CDV3: variants seen among roughly 807,000 people sequenced by gnomAD.
CDV3 encodes the protein protein CDV3 homolog.
CDV3 carries 14 observed loss-of-function variants against 24.5 expected under a neutral mutation model. The ratio of observed to expected loss-of-function variants is 0.57; its 90% CI spans 0.38 to 0.89. The LOEUF is 0.89. CDV3 is among the 40% of genes least tolerant of loss of function. The probability of loss-of-function intolerance (pLI) is 0.00; values close to 1 mark genes in which losing one functional copy is unlikely to be tolerated. For synonymous variants in CDV3, 114 were observed against 114.1 expected (o/e 1.00, Z 0.00); for missense variants, 304 against 310.2 (o/e 0.98, Z 0.15).
chr3:133,576,339 T>G (rs1192264825), intron 2 of CDV3, among the ~76,000 whole-genome samples: 5 of 151,700 alleles, frequency 3.3e-5, no homozygotes, highest in Non-Finnish European at 7.3e-5. Context: ...TTAATGTGTC[T>G]TTCTCTTTTC....
intron 2 of CDV3, among the ~76,000 whole-genome samples, chr3:133,578,749 TGGAGATGCCC>T (rs2074910752): frequency 1.3e-5 from 2 of 152,186 alleles, no homozygotes; most frequent in African/African-American, 4.8e-5. Context: ...GACAAACCTG[TGGAGATGCCC>T]GGTATTCCAG....
chr3:133,578,648 A>G (rs2074906877), intron 2 of CDV3, among the ~76,000 whole-genome samples: 1 of 152,206 alleles, frequency 6.6e-6, no homozygotes, highest in African/African-American at 2.4e-5. Flanking sequence ...GATGAGGTGC[A>G]GTGCCATTTT....
intron 4 of CDV3, 136 bp downstream of exon 4, chr3:133,586,858 C>A: frequency 4.8e-6 from 3 of 625,612 alleles, no homozygotes; most frequent in South Asian, 2.1e-5. Flanking sequence ...AGCTGACAGG[C>A]AGGTGAGAAT....
intron 2 of CDV3, among the ~76,000 whole-genome samples, chr3:133,576,237 C>T (rs1319046618): frequency 6.6e-6 from 1 of 152,216 alleles, no homozygotes; most frequent in Non-Finnish European, 1.5e-5. Context: ...CTTTCAGGAA[C>T]GATGGCTTCT....
intron 2 of CDV3, among the ~76,000 whole-genome samples, chr3:133,578,130 C>T (rs2074886658): frequency 6.6e-6 from 1 of 152,110 alleles, no homozygotes; most frequent in Non-Finnish European, 1.5e-5. Flanking sequence ...GCTGGGACTA[C>T]AGGTGTGAGT....
intron 1 of CDV3, chr3:133,574,649 A>T (rs1318678807): frequency 9.7e-7 from 1 of 1,030,568 alleles, no homozygotes; most frequent in East Asian, 9.4e-5. Flanking sequence ...GTTTGAGCTG[A>T]ATTTTCGCTT....
At position 133,588,313 on chromosome 3, in the gene CDV3, C is replaced by T; in HGVS notation, c.*267C>T. 1.3e-6 allele frequency: 2 copies of T among 1,537,020 alleles called. No homozygotes were observed. Among genetic ancestry groups the T allele is most frequent in the South Asian group, 1.2e-5 (1 of 84,042 alleles). On this transcript the variant is annotated 3_prime_UTR_variant, in exon 5 of 5. Coordinates refer to ENST00000264993, the MANE Select transcript of CDV3 (RefSeq NM_017548.5). ...ACTCTGCAAATACAAAAAACCAAAA[C>T]CTGCAGCCAGTGGTCATTTCAAAAT...
At position 133,589,016 on chromosome 3, in the gene CDV3, T is replaced by A. The variant is rs576554207; in HGVS notation, c.*970T>A. 1 of 152,872 alleles carries A rather than the reference T, an allele frequency of 6.5e-6. No homozygotes were observed. Among genetic ancestry groups the A allele is most frequent in the South Asian group, 2.1e-4 (1 of 4,840 alleles). The allele number at this position is 152,872 out of a possible 1,614,324, so 9.5% of individuals were successfully genotyped here. ...AAATAGCCTTTGATGAAAAGGGCAGTGGATTCTGGAGGCTCTACTTCAGGT... is the reference window on the plus strand; with the variant it reads ...AAATAGCCTTTGATGAAAAGGGCAGAGGATTCTGGAGGCTCTACTTCAGGT... On this transcript the variant is annotated 3_prime_UTR_variant, in exon 5 of 5. Transcript: ENST00000264993.
At position 133,586,631 on chromosome 3, in the gene CDV3, A is replaced by G. The variant is rs375338911; in HGVS notation, c.535A>G (p.Thr179Ala). Residue 179 changes from threonine to alanine, a missense_variant, in exon 4 of 5, where the codon ACA becomes GCA. Coordinates refer to ENST00000264993, the MANE Select transcript of CDV3 (RefSeq NM_017548.5). ...YRPPGARLTT[T>A]RKTPQGPPEI... ...GCCTCCTGGGGCCAGGTTAACCACA[A>G]CAAGGAAAACACCACAAGGACCACC... 4 of 1,594,738 alleles carry G rather than the reference A, an allele frequency of 2.5e-6. No individual in the cohort carries two copies. The East Asian group carries it at 6.7e-5, about 27-fold the overall frequency.
Position 133,588,366 on chromosome 3 carries a change from A to T in CDV3, c.*320A>T. On this transcript the variant is annotated 3_prime_UTR_variant, in exon 5 of 5. Coordinates refer to ENST00000264993, the MANE Select transcript of CDV3 (RefSeq NM_017548.5). ...TTTTATGTTCAGATACTGAGCCTTCATAAGGGTTGACTACCTCAGATTTGC... is the reference window on the plus strand; with the variant it reads ...TTTTATGTTCAGATACTGAGCCTTCTTAAGGGTTGACTACCTCAGATTTGC... 1 of 1,536,064 alleles carries T rather than the reference A, an allele frequency of 6.5e-7. No individual in the cohort carries two copies. The highest frequency in any genetic ancestry group is 8.7e-7 in the Non-Finnish European group (1 of 1,146,828).
At chr3:133,582,866 T>C (rs1197700332) in intron 2 of CDV3, among the ~76,000 whole-genome samples, 2 of 152,236 alleles carry the variant, frequency 1.3e-5, no homozygotes, top group Admixed American at 1.3e-4. Flanking sequence ...ACGTTCGATT[T>C]AGCCATTATT....
intron 3 of CDV3, among the ~76,000 whole-genome samples, chr3:133,586,093 CTT>C (rs1300655914): frequency 6.6e-6 from 1 of 151,416 alleles, no homozygotes; most frequent in Non-Finnish European, 1.5e-5. Context: ...AATGTTTTCA[CTT>C]TTCTTTTTTC....
At chr3:133,580,547 A>C (rs947160885) in intron 2 of CDV3, among the ~76,000 whole-genome samples, 2 of 152,142 alleles carry the variant, frequency 1.3e-5, no homozygotes, top group African/African-American at 2.4e-5. Context: ...TACTAAATAC[A>C]AAAAATTAGC....
chr3:133,589,473 A>G lies in CDV3; in HGVS notation c.*1427A>G, dbSNP rs1208958329. 6.5e-6 allele frequency: 1 copy of G among 152,676 alleles called. No individual in the cohort carries two copies. The highest frequency in any genetic ancestry group is 2.4e-5 in the African/African-American group (1 of 41,470). 9.5% of individuals were successfully genotyped at this position (152,676 alleles called of 1,614,324 possible). ...ATTACAGAAGAGTGTCCACCTAACA[A>G]GATGGTCTGGCAGTTTCCTAGTTTT... On this transcript the variant is annotated 3_prime_UTR_variant, in exon 5 of 5. Coordinates refer to ENST00000264993, the MANE Select transcript of CDV3 (RefSeq NM_017548.5).
chr3:133,583,112 G>A (rs1231760583), intron 2 of CDV3, among the ~76,000 whole-genome samples: 2 of 152,120 alleles, frequency 1.3e-5, no homozygotes, highest in Non-Finnish European at 2.9e-5. Flanking sequence ...ACCACTGAGG[G>A]TATCTTTTCC....
chr3:133,584,188 TTA>T (rs748122869), intron 3 of CDV3, 38 bp downstream of exon 3: 1 of 1,475,410 alleles, frequency 6.8e-7, no homozygotes, highest in African/African-American at 1.4e-5. Flanking sequence ...GATGTCTAAT[TTA>T]TATATGATTT....
At position 133,575,045 on chromosome 3, in the gene CDV3, G is replaced by T. The variant is rs1400214705; in HGVS notation, c.247G>T (p.Asp83Tyr). Reference sequence around the variant, plus strand: ...AATGGCGTTTGTTTTACAGGACGAAGATGAATGGAAAGAATTGGAGCAAAA... The same window carrying T: ...AATGGCGTTTGTTTTACAGGACGAATATGAATGGAAAGAATTGGAGCAAAA... The part of the protein sequence containing the change: ...AATKAVTKDE[D>Y]EWKELEQKEV... The change falls in exon 2 of 5, where the codon GAT becomes TAT. Residue 83 changes from aspartate (D) to tyrosine (Y), a missense_variant. By Grantham distance (160) the Asp-to-Tyr change is radical. Around this residue, in one of 3 missense-constraint regions of CDV3, gnomAD observed 219 missense variants for 203.6 expected, o/e 1.08. Coordinates refer to ENST00000264993, the MANE Select transcript of CDV3 (RefSeq NM_017548.5). 3.8e-6 allele frequency: 6 copies of T among 1,596,476 alleles called. No homozygotes were observed. The highest frequency in any genetic ancestry group is 5.2e-6 in the Non-Finnish European group (6 of 1,164,122).
At position 133,578,525 on chromosome 3, in the gene CDV3, A is replaced by G. The variant is rs374076880; in HGVS notation, c.317+3410A>G. ...ACACTGAGGTTCTCTGGTTGTAGAA[A>G]TAAGTCATGCTGTAATAGACAACAG... is the stretch of plus-strand genomic sequence containing the variant. On this transcript the variant is annotated intron_variant, in intron 2 of 4. Coordinates refer to ENST00000264993, the MANE Select transcript of CDV3 (RefSeq NM_017548.5). Among the ~76,000 whole-genome samples the G allele has an allele frequency of 3.5e-3, 532 of 152,350 alleles. 8 individuals are homozygous for G. The South Asian group carries it at 0.035, about 10-fold the overall frequency.
rs1435585713 is a variant in CDV3, at chr3:133,589,553, GTCCGGGTTTCTCTATAATAAAT to G, written c.*1508_*1529del. 7 of 152,682 alleles carry G rather than the reference GTCCGGGTTTCTCTATAATAAAT, an allele frequency of 4.6e-5. No homozygotes were observed. Among genetic ancestry groups the G allele is most frequent in the Non-Finnish European group, 8.8e-5 (6 of 68,050 alleles). 9.5% of individuals were successfully genotyped at this position (152,682 alleles called of 1,614,324 possible). A position where few individuals can be genotyped will look rare whatever the true frequency, so the allele number is the denominator to read the frequency against. On this transcript the variant is annotated 3_prime_UTR_variant, in exon 5 of 5. Coordinates refer to ENST00000264993, the MANE Select transcript of CDV3 (RefSeq NM_017548.5). ...TGGTAATGTCATCATTTGATGCAGA[GTCCGGGTTTCTCTATAATAAAT>G]CCCTTTGCCAAATGCATGAGTTGCA...
Sources: gnomAD v4.1 joint callset for allele counts (sites outside exome capture counted in the v4.1 genomes callset) on GRCh38, gnomAD v4.1.1 for gene constraint, gnomAD v4.1.1 regional missense constraint, MANE v1.5 for transcripts, NCBI Gene and HGNC (gene_info 2026-07-23, HGNC 2026-07-21) for gene names.